ZC3H6: variants seen among roughly 807,000 people sequenced by gnomAD.
ZC3H6 encodes zinc finger CCCH-type containing 6.
In ZC3H6, 40 loss-of-function variants were observed where a neutral mutation model predicts 107.7. The observed-to-expected ratio is 0.37, with a 90% confidence interval of 0.29 to 0.48. ZC3H6 has a LOEUF of 0.48. Among genes scored for constraint, ZC3H6 ranks in the 20% least tolerant of loss-of-function variants. ZC3H6 has a pLI of 0.98. For synonymous variants in ZC3H6, 493 were observed against 487.9 expected, an observed-to-expected ratio of 1.01 and a Z score of -0.14; for missense variants, 1,267 against 1,410.4, an observed-to-expected ratio of 0.90 and a Z score of 1.63.
intron 3 of ZC3H6, among the ~76,000 whole-genome samples, chr2:112,308,381 TG>T (rs1422673989): frequency 6.6e-6 from 1 of 151,098 alleles, no homozygotes; most frequent in African/African-American, 2.4e-5. Flanking sequence ...GTTGGTATTT[TG>T]CCAGAGTAGT....
chr2:112,314,950 T>A (rs941242709), intron 5 of ZC3H6, among the ~76,000 whole-genome samples: 1 of 152,208 alleles, frequency 6.6e-6, no homozygotes, highest in Non-Finnish European at 1.5e-5. Context: ...TACAGTAAAA[T>A]GTGATTTGAG....
chr2:112,295,939 G>A (rs143471572), intron 1 of ZC3H6, among the ~76,000 whole-genome samples: 31 of 152,170 alleles, frequency 2.0e-4, no homozygotes, highest in Middle Eastern at 3.4e-3. Flanking sequence ...ATTTCCAGAT[G>A]TAATTTTTTT....
chr2:112,299,384 T>C (rs1017791709), intron 1 of ZC3H6, among the ~76,000 whole-genome samples: 5 of 152,220 alleles, frequency 3.3e-5, no homozygotes, highest in Non-Finnish European at 7.3e-5. Flanking sequence ...TCTTGGTTCT[T>C]AGATTCCTTT....
intron 1 of ZC3H6, among the ~76,000 whole-genome samples, chr2:112,291,996 C>T (rs1355952794): frequency 1.3e-5 from 2 of 152,208 alleles, no homozygotes; most frequent in Non-Finnish European, 2.9e-5. Context: ...CGATTACAGG[C>T]GTGAGCCACT....
At chr2:112,306,633 G>A (rs976915028) in intron 3 of ZC3H6, among the ~76,000 whole-genome samples, 2 of 152,140 alleles carry the variant, frequency 1.3e-5, no homozygotes, top group Non-Finnish European at 2.9e-5. Flanking sequence ...CCTTCAGAAA[G>A]GATTTTTACT....
intron 1 of ZC3H6, among the ~76,000 whole-genome samples, chr2:112,279,349 A>G (rs1686485660): frequency 6.6e-6 from 1 of 152,262 alleles, no homozygotes; most frequent in Admixed American, 6.5e-5. Flanking sequence ...TAGAGTAGGA[A>G]AAGATAAATA....
intron 5 of ZC3H6, among the ~76,000 whole-genome samples, chr2:112,313,479 T>C (rs142906887): frequency 1.1e-3 from 162 of 152,284 alleles, no homozygotes; most frequent in African/African-American, 3.8e-3. Flanking sequence ...TATACCTGTC[T>C]CTTTGCCTCA....
chr2:112,322,572 C>T (rs768162480), intron 8 of ZC3H6, 77 bp from the exon 9 acceptor site: 1 of 1,451,186 alleles, frequency 6.9e-7, no homozygotes, highest in Non-Finnish European at 9.2e-7. Flanking sequence ...TTTCTACTAA[C>T]CAAACTTAAG....
intron 1 of ZC3H6, among the ~76,000 whole-genome samples, chr2:112,287,984 C>A (rs1228247040): frequency 6.6e-6 from 1 of 152,218 alleles, no homozygotes; most frequent in Non-Finnish European, 1.5e-5. Flanking sequence ...CTGATTTATC[C>A]TTTAGTTGGT....
intron 5 of ZC3H6, chr2:112,312,150 A>C (rs1333873848): frequency 4.2e-6 from 2 of 481,782 alleles, no homozygotes; most frequent in Non-Finnish European, 7.0e-6. Context: ...TAAAATTGTT[A>C]TGTTTGAAAG....
intron 11 of ZC3H6, among the ~76,000 whole-genome samples, chr2:112,329,666 A>C (rs1418753529): frequency 2.0e-5 from 3 of 152,246 alleles, no homozygotes; most frequent in African/African-American, 7.2e-5. Flanking sequence ...GTAGGCATGC[A>C]TTAGTGAGCA....
At position 112,311,992 on chromosome 2, in the gene ZC3H6, T is replaced by C. The variant is rs1254546509; in HGVS notation, c.747+55T>C. The C allele has an allele frequency of 4.0e-6, 6 of 1,491,538 alleles. No homozygotes were observed. In the African/African-American group the frequency reaches 5.6e-5, roughly 14 times the overall value. The allele number at this position is 1,491,538 out of a possible 1,614,324, so 92.4% of individuals were successfully genotyped here. ...GGAGCTTTTTCATCTTTTAATTTAT[T>C]TGATGGCAAAGAAAGCATTGTGATT... On this transcript the variant is annotated intron_variant, in intron 5 of 11. Transcript: ENST00000409871.
At chr2:112,296,197 T>C (rs1264057767) in intron 1 of ZC3H6, among the ~76,000 whole-genome samples, 1 of 152,150 alleles carries the variant, frequency 6.6e-6, no homozygotes, top group East Asian at 1.9e-4. Flanking sequence ...CCTTTTTTTG[T>C]CACTTGCACT....
chr2:112,332,115 C>A lies in ZC3H6; in HGVS notation c.3197C>A (p.Ser1066Tyr). 1 of 1,613,982 alleles carries A rather than the reference C, an allele frequency of 6.2e-7. No homozygotes were observed. The highest frequency in any genetic ancestry group is 8.5e-7 in the Non-Finnish European group (1 of 1,179,888). ...SSSTSELATA[S>Y]SGENSKNQKK... Reference sequence around the variant, plus strand: ...TCCACATCAGAGCTAGCAACAGCTTCTTCAGGAGAAAACTCAAAGAACCAG... The same window carrying A: ...TCCACATCAGAGCTAGCAACAGCTTATTCAGGAGAAAACTCAAAGAACCAG... The change falls in exon 12 of 12, where the codon TCT (serine) becomes TAT (tyrosine). Residue 1066 changes from serine to tyrosine, a missense_variant. Ser to Tyr is a moderately radical substitution (Grantham distance 144). Around this residue, in one of 3 missense-constraint regions of ZC3H6, gnomAD observed 925 missense variants for 1,025.7 expected, o/e 0.90. Transcript: ENST00000409871.
intron 3 of ZC3H6, among the ~76,000 whole-genome samples, chr2:112,304,541 T>G (rs993722950): frequency 1.3e-5 from 2 of 152,190 alleles, no homozygotes; most frequent in African/African-American, 2.4e-5. Context: ...CCCTGGTGTT[T>G]CTCTGTGTCC....
At chr2:112,294,223 G>A (rs574864969) in intron 1 of ZC3H6, among the ~76,000 whole-genome samples, 4 of 151,596 alleles carry the variant, frequency 2.6e-5, no homozygotes, top group South Asian at 2.1e-4. Flanking sequence ...GGAGGCATGC[G>A]AGTTTTCCAG....
Position 112,324,547 on chromosome 2 carries a change from C to G in ZC3H6, c.1736C>G (p.Pro579Arg). 6.2e-7 allele frequency: 1 copy of G among 1,612,614 alleles called. No homozygotes were observed. ...CSPGSSYQQS[P>R]GEMQLNTNYE... ...CCAGGTTCATCATACCAGCAAAGTC[C>G]TGGTGAAATGCAGCTCAACACCAAT... is the stretch of plus-strand genomic sequence containing the variant. Residue 579 changes from proline (P) to arginine (R), a missense_variant, in exon 10 of 12, where the codon CCT (proline) becomes CGT (arginine). By Grantham distance (103) the Pro-to-Arg change is moderately radical. Around this residue, in one of 3 missense-constraint regions of ZC3H6, gnomAD observed 925 missense variants for 1,025.7 expected, o/e 0.90. Coordinates refer to ENST00000409871, the MANE Select transcript of ZC3H6 (RefSeq NM_198581.3).
chr2:112,284,837 A>C (rs929171050), intron 1 of ZC3H6, among the ~76,000 whole-genome samples: 2 of 152,184 alleles, frequency 1.3e-5, no homozygotes, highest in African/African-American at 2.4e-5. Flanking sequence ...TTCTGCTTTT[A>C]ATTTATCTCC....
chr2:112,281,624 A>G (rs187983114), intron 1 of ZC3H6, among the ~76,000 whole-genome samples: 163 of 152,380 alleles, frequency 1.1e-3, no homozygotes, highest in African/African-American at 3.8e-3. Flanking sequence ...GTAAACGTCT[A>G]GAAATCAGAT....
Sources: gnomAD v4.1 joint callset for allele counts (sites outside exome capture counted in the v4.1 genomes callset) on GRCh38, gnomAD v4.1.1 for gene constraint, gnomAD v4.1.1 regional missense constraint, MANE v1.5 for transcripts, NCBI Gene and HGNC (gene_info 2026-07-23, HGNC 2026-07-21) for gene names.